Variants in DSCAML1 observed in about 807,000 individuals in gnomAD.
The protein encoded by DSCAML1 is DS cell adhesion molecule like 1, also known as cell adhesion molecule DSCAML1.
A neutral mutation model predicts 200.5 loss-of-function variants in DSCAML1; 38 were observed. The ratio of observed to expected loss-of-function variants is 0.19; its 90% confidence interval spans 0.15 to 0.25. The LOEUF is 0.25. DSCAML1 is among the 10% of genes least tolerant of loss of function. The pLI, the probability that DSCAML1 is intolerant of heterozygous loss-of-function variation, is 1.00. For synonymous variants in DSCAML1, 1,215 were observed against 1,165.0 expected, an observed-to-expected ratio of 1.04 and a Z score of -0.87; for missense variants, 2,223 against 2,858.8, an observed-to-expected ratio of 0.78 and a Z score of 5.07.
chr11:117,631,763 G>C (rs1045237392), intron 3 of DSCAML1, among the ~76,000 whole-genome samples: 8 of 151,940 alleles, frequency 5.3e-5, no homozygotes, highest in African/African-American at 1.9e-4. Flanking sequence ...TAACCATCCA[G>C]CCACTCCTAC....
chr11:117,672,845 C>T (rs981117039), intron 3 of DSCAML1, among the ~76,000 whole-genome samples: 2 of 152,080 alleles, frequency 1.3e-5, no homozygotes, highest in African/African-American at 2.4e-5. Context: ...GCCTTTTATG[C>T]CAAGTAAGGA....
At chr11:117,506,943 C>T (rs1485329298) in intron 8 of DSCAML1, among the ~76,000 whole-genome samples, 2 of 152,146 alleles carry the variant, frequency 1.3e-5, no homozygotes, top group Admixed American at 1.3e-4. Flanking sequence ...TGGTTAGATG[C>T]CTCTGGGCAA....
At chr11:117,604,212 C>T (rs781513121) in intron 3 of DSCAML1, among the ~76,000 whole-genome samples, 4 of 152,200 alleles carry the variant, frequency 2.6e-5, no homozygotes, top group Non-Finnish European at 5.9e-5. Context: ...TCTGTATATG[C>T]TCACTGAATT....
chr11:117,550,056 C>G (rs2050442267), intron 3 of DSCAML1, among the ~76,000 whole-genome samples: 1 of 152,188 alleles, frequency 6.6e-6, no homozygotes, highest in Non-Finnish European at 1.5e-5. Context: ...CTTAGTTAGT[C>G]ATTTCTTGCT....
chr11:117,429,811 T>C (rs2047747545), intron 32 of DSCAML1, among the ~76,000 whole-genome samples: 1 of 152,244 alleles, frequency 6.6e-6, no homozygotes, highest in Admixed American at 6.5e-5. Flanking sequence ...TTTCCTTAGA[T>C]TTTCTTATTG....
chr11:117,811,034 G>A (rs71482116), intron 1 of DSCAML1, among the ~76,000 whole-genome samples: 32,871 of 151,836 alleles, frequency 0.22, 4,336 homozygotes, highest in Non-Finnish European at 0.29. Context: ...TCTTTTTATC[G>A]CCTCTCCTCC....
intron 3 of DSCAML1, among the ~76,000 whole-genome samples, chr11:117,563,567 T>A (rs561254267): frequency 1.3e-5 from 2 of 152,342 alleles, no homozygotes; most frequent in South Asian, 4.1e-4. Context: ...TTAGGCCTTG[T>A]TCCCCATGTG....
chr11:117,464,754 A>T (rs1255724707), intron 17 of DSCAML1, among the ~76,000 whole-genome samples, 188 bp downstream of exon 17: 1 of 152,250 alleles, frequency 6.6e-6, no homozygotes, highest in Non-Finnish European at 1.5e-5. Flanking sequence ...CGATATGCTG[A>T]ATGGCCCATA....
At chr11:117,605,493 A>T (rs2051546632) in intron 3 of DSCAML1, among the ~76,000 whole-genome samples, 1 of 152,214 alleles carries the variant, frequency 6.6e-6, no homozygotes, top group Non-Finnish European at 1.5e-5. Context: ...GAAAGCGCTT[A>T]AGTGGAGGCC....
chr11:117,816,992 A>T (rs1440445945), intron 1 of DSCAML1, among the ~76,000 whole-genome samples: 2 of 152,228 alleles, frequency 1.3e-5, no homozygotes, highest in Non-Finnish European at 2.9e-5. Flanking sequence ...AACCCAGCAG[A>T]AGCCCTCCTG....
chr11:117,430,426 C>A (rs1318057226), intron 32 of DSCAML1, among the ~76,000 whole-genome samples: 3 of 152,224 alleles, frequency 2.0e-5, no homozygotes, highest in African/African-American at 7.2e-5. Flanking sequence ...ATTTCTAATG[C>A]CCATTATGAC....
rs184338934 is a variant in DSCAML1 at position 117,430,704 on chromosome 11, G to A, written c.5686+18C>T. ...GGGGGCGGGGGGGCACTGCCTGGGA[G>A]GTGGTCTGAGCACTCACTCTTGTTG... On this transcript the variant is annotated intron_variant, in intron 32 of 32. Transcript: ENST00000651296. 118 of 1,597,176 alleles carry A rather than the reference G, an allele frequency of 7.4e-5. No individual in the cohort carries two copies. In the African/African-American group the frequency reaches 1.2e-3, roughly 16 times the overall value.
At chr11:117,718,015 C>T (rs1289897962) in intron 3 of DSCAML1, among the ~76,000 whole-genome samples, 1 of 152,140 alleles carries the variant, frequency 6.6e-6, no homozygotes, top group African/African-American at 2.4e-5. Context: ...TCAACAAGGC[C>T]CAGCTCAACA....
intron 3 of DSCAML1, among the ~76,000 whole-genome samples, chr11:117,618,183 G>A (rs780226700): frequency 1.6e-3 from 247 of 152,280 alleles, no homozygotes; most frequent in Non-Finnish European, 2.5e-3. Flanking sequence ...GACATGCAGG[G>A]TTGGAAAGGG....
chr11:117,618,430 T>C (rs962269863), intron 3 of DSCAML1, among the ~76,000 whole-genome samples: 2 of 152,228 alleles, frequency 1.3e-5, no homozygotes, highest in Non-Finnish European at 2.9e-5. Context: ...CCTTCTTTCA[T>C]ATAACAGCTC....
intron 3 of DSCAML1, among the ~76,000 whole-genome samples, chr11:117,672,102 G>GGAAAAAAAAAGAAGAA (rs1555196987): frequency 2.1e-5 from 2 of 94,484 alleles, no homozygotes; most frequent in Non-Finnish European, 4.0e-5. Context: ...CTCCAGCTCA[G>GGAAAAAAAAAGAAGAA]AAAAAAAAAA....
At chr11:117,470,892 GA>G (rs2137178304) in intron 15 of DSCAML1, among the ~76,000 whole-genome samples, 1 of 152,320 alleles carries the variant, frequency 6.6e-6, no homozygotes, top group African/African-American at 2.4e-5. Flanking sequence ...AAGAATAGAT[GA>G]AGTATGATGT....
intron 21 of DSCAML1, among the ~76,000 whole-genome samples, chr11:117,442,148 C>T (rs538524935): frequency 1.6e-4 from 24 of 151,150 alleles, no homozygotes; most frequent in Admixed American, 4.6e-4. Flanking sequence ...TGTGTGTATG[C>T]GTGTGTATAT....
At chr11:117,457,431 A>G (rs1294969258) in intron 19 of DSCAML1, among the ~76,000 whole-genome samples, 2 of 152,186 alleles carry the variant, frequency 1.3e-5, no homozygotes, top group East Asian at 1.9e-4. Flanking sequence ...CCAGGGGCTC[A>G]TTTCTGGAGG....
Sources: allele counts gnomAD v4.1 joint callset (sites outside exome capture counted in the v4.1 genomes callset), GRCh38; gene constraint gnomAD v4.1.1; transcripts MANE v1.5; gene names NCBI Gene and HGNC (gene_info 2026-07-23, HGNC 2026-07-21).